Variants in INTU observed in about 807,000 individuals in gnomAD.
INTU encodes protein inturned.
INTU carries 68 observed loss-of-function variants against 100.5 expected under a neutral mutation model. That is an observed-to-expected ratio of 0.68 (90% CI 0.56 to 0.83). The LOEUF (loss-of-function observed/expected upper bound fraction) is 0.83. Among genes scored for constraint, INTU ranks in the 40% least tolerant of loss-of-function variants. The pLI is 0.00. For missense variants in INTU, 1,071 were observed against 1,114.7 expected (o/e 0.96, Z 0.56); for synonymous variants, 357 against 395.7 (o/e 0.90, Z 1.16).
rs778222699 is a variant in INTU, at chr4:127,687,810, A to C, written c.1392A>C (p.Ala464=). The change falls in exon 8 of 16, where the codon GCA becomes GCC. Residue 464 remains alanine, a synonymous_variant. Coordinates refer to ENST00000335251, the MANE Select transcript of INTU (RefSeq NM_015693.4). ...PSAQQYDASS[A]VLLDNLPGVR... ...CTCAGCAGTACGATGCTTCCAGTGCAGTACTTTTAGACAACCTCCCTGGAG... is the reference window on the plus strand; with the variant it reads ...CTCAGCAGTACGATGCTTCCAGTGCCGTACTTTTAGACAACCTCCCTGGAG... 1.9e-6 allele frequency: 3 copies of C among 1,609,266 alleles called. No homozygotes were observed. Among genetic ancestry groups the C allele is most frequent in the Non-Finnish European group, 2.5e-6 (3 of 1,176,938 alleles).
chr4:127,671,022 C>T (rs1728903184), intron 5 of INTU, among the ~76,000 whole-genome samples: 2 of 151,866 alleles, frequency 1.3e-5, no homozygotes, highest in Non-Finnish European at 2.9e-5. Context: ...AGAAGAAAAC[C>T]TAGGAAACAC....
intron 6 of INTU, among the ~76,000 whole-genome samples, chr4:127,674,635 ACT>A (rs1168424041): frequency 6.6e-6 from 1 of 152,104 alleles, no homozygotes; most frequent in Non-Finnish European, 1.5e-5. Context: ...GGTATATGTA[ACT>A]CTAAAGTGAC....
At chr4:127,670,562 A>T (rs1243345797) in intron 5 of INTU, among the ~76,000 whole-genome samples, 2 of 151,954 alleles carry the variant, frequency 1.3e-5, no homozygotes, top group African/African-American at 4.8e-5. Context: ...TTATTGAGAT[A>T]TAGTACATAA....
intron 4 of INTU, 30 bp from the exon 5 acceptor site, chr4:127,669,006 G>T: frequency 1.0e-6 from 1 of 993,128 alleles, no homozygotes; most frequent in Non-Finnish European, 1.5e-6. Context: ...TGGAAAATTG[G>T]GTGGTTTGAT....
At chr4:127,678,158 C>T (rs1560855570) in intron 6 of INTU, among the ~76,000 whole-genome samples, 1 of 152,114 alleles carries the variant, frequency 6.6e-6, no homozygotes, top group Non-Finnish European at 1.5e-5. Context: ...GAGAATGGAA[C>T]CAAGTTGGAA....
chr4:127,674,828 A>G (rs926903125), intron 6 of INTU, among the ~76,000 whole-genome samples: 2 of 152,148 alleles, frequency 1.3e-5, no homozygotes, highest in African/African-American at 4.8e-5. Context: ...TTAATCTTCA[A>G]AATCACTTCC....
At chr4:127,646,462 A>C (rs948180714) in intron 2 of INTU, among the ~76,000 whole-genome samples, 2 of 152,178 alleles carry the variant, frequency 1.3e-5, no homozygotes, top group South Asian at 4.1e-4. Flanking sequence ...TGCTTCCATC[A>C]GGAACAACAT....
At chr4:127,649,683 T>G (rs1484263365) in intron 2 of INTU, among the ~76,000 whole-genome samples, 2 of 152,308 alleles carry the variant, frequency 1.3e-5, no homozygotes, top group African/African-American at 2.4e-5. Flanking sequence ...ATACTTAGCC[T>G]GTATACATGT....
chr4:127,710,079 A>T (rs1416393398), intron 13 of INTU, among the ~76,000 whole-genome samples: 1 of 152,158 alleles, frequency 6.6e-6, no homozygotes, highest in African/African-American at 2.4e-5. Flanking sequence ...TCCATATCAG[A>T]ATTTTAAAAA....
rs144489807 is a variant in INTU at position 127,716,328 on chromosome 4, A to G, written c.2721A>G (p.Arg907=). ...PPVMAYWVVG[R]LFLHPKPQEL... ...AGTGTGTTCTTTTCTTCTGCAGGAGACTTTTTCTTCATCCAAAACCTCAAG... is the reference window on the plus strand; with the variant it reads ...AGTGTGTTCTTTTCTTCTGCAGGAGGCTTTTTCTTCATCCAAAACCTCAAG... The change falls in exon 16 of 16, where the codon AGA becomes AGG. Residue 907 remains arginine (R), a synonymous_variant. Coordinates refer to ENST00000335251, the MANE Select transcript of INTU (RefSeq NM_015693.4). 1.3e-4 allele frequency: 200 copies of G among 1,513,172 alleles called. No homozygotes were observed. The African/African-American group carries it at 1.5e-3, about 11-fold the overall frequency. 93.7% of individuals were successfully genotyped at this position (1,513,172 alleles called of 1,614,324 possible).
chr4:127,674,883 G>A (rs530001059), intron 6 of INTU, among the ~76,000 whole-genome samples: 1 of 152,294 alleles, frequency 6.6e-6, no homozygotes, highest in African/African-American at 2.4e-5. Flanking sequence ...TGTGAGGAAA[G>A]TAAAATCAAA....
intron 5 of INTU, among the ~76,000 whole-genome samples, chr4:127,671,249 A>C (rs1310867469): frequency 6.6e-6 from 1 of 152,052 alleles, no homozygotes; most frequent in African/African-American, 2.4e-5. Flanking sequence ...CTATATAAGG[A>C]ACTCAGACAA....
At chr4:127,703,377 G>A (rs1015204469) in intron 9 of INTU, among the ~76,000 whole-genome samples, 3 of 152,080 alleles carry the variant, frequency 2.0e-5, no homozygotes, top group African/African-American at 4.8e-5. Flanking sequence ...AAATACCTTC[G>A]CTTATCCCTT....
In INTU at chr4:127,725,360, T is replaced by C. The variant is rs527710501; in HGVS notation, c.*8924T>C. ...CCCTTAAGATCACAATATTGTCATA[T>C]GCTACCATTTGACTCACAACTGCTG... is the stretch of plus-strand genomic sequence containing the variant. On this transcript the variant is annotated 3_prime_UTR_variant, in exon 16 of 16. Transcript: ENST00000335251. 2.6e-5 allele frequency: 4 copies of C among 152,304 alleles called. No homozygotes were observed. In the East Asian group the frequency reaches 7.7e-4, roughly 29 times the overall value. 9.4% of individuals were successfully genotyped at this position (152,304 alleles called of 1,614,324 possible).
chr4:127,677,181 G>A (rs547104630), intron 6 of INTU, among the ~76,000 whole-genome samples: 16 of 151,812 alleles, frequency 1.1e-4, no homozygotes, highest in East Asian at 3.9e-4. Flanking sequence ...GGGCACAGAC[G>A]AAAAAAAAGA....
chr4:127,655,700 G>A (rs536225510), intron 2 of INTU, among the ~76,000 whole-genome samples: 88 of 152,162 alleles, frequency 5.8e-4, no homozygotes, highest in African/African-American at 2.0e-3. Context: ...TGCCCCCAGA[G>A]GTGGAGCCTA....
chr4:127,690,631 A>C (rs1382792843), intron 8 of INTU, among the ~76,000 whole-genome samples: 1 of 152,230 alleles, frequency 6.6e-6, no homozygotes, highest in Non-Finnish European at 1.5e-5. Flanking sequence ...CTAAAGCTCT[A>C]TTTGATTAAT....
At chr4:127,679,459 C>G (rs1339162842) in intron 6 of INTU, among the ~76,000 whole-genome samples, 1 of 152,198 alleles carries the variant, frequency 6.6e-6, no homozygotes, top group African/African-American at 2.4e-5. Context: ...TCACTCAAAA[C>G]CGCTCAACTG....
intron 12 of INTU, among the ~76,000 whole-genome samples, chr4:127,707,684 T>A (rs1730945853): frequency 6.6e-6 from 1 of 152,074 alleles, no homozygotes; most frequent in South Asian, 2.1e-4. Context: ...TATTATCCTA[T>A]TTTTATAGAT....
Sources: allele counts gnomAD v4.1 joint callset (sites outside exome capture counted in the v4.1 genomes callset), GRCh38; gene constraint gnomAD v4.1.1; transcripts MANE v1.5; gene names NCBI Gene and HGNC (gene_info 2026-07-23, HGNC 2026-07-21).